TMEM192: variants seen among roughly 807,000 people sequenced by gnomAD.
TMEM192 encodes the protein transmembrane protein 192.
TMEM192 carries 20 observed loss-of-function variants against 26.7 expected under a neutral mutation model. The observed-to-expected ratio is 0.75, with a 90% CI of 0.53 to 1.09. TMEM192 has a LOEUF of 1.09. Ranked by LOEUF, TMEM192 falls within the 50% of genes least tolerant of loss-of-function variation. The pLI, the probability that TMEM192 is intolerant of heterozygous loss-of-function variation, is 0.00. For synonymous variants in TMEM192, 124 were observed against 121.0 expected (o/e 1.02, Z -0.16); for missense variants, 304 against 322.6 (o/e 0.94, Z 0.44).
intron 3 of TMEM192, among the ~76,000 whole-genome samples, chr4:165,098,250 G>A (rs1437913340): frequency 3.3e-5 from 5 of 151,146 alleles, no homozygotes; most frequent in East Asian, 2.0e-4. Flanking sequence ...TCAGCCTCCC[G>A]AGTAGCTGGG....
At position 165,100,842 on chromosome 4, in the gene TMEM192, A is replaced by G; in HGVS notation, c.225T>C (p.Pro75=). 6 of 1,614,174 alleles carry G rather than the reference A, an allele frequency of 3.7e-6. No individual in the cohort carries two copies. In the Middle Eastern group the frequency reaches 4.9e-4, roughly 133 times the overall value. Residue 75 remains proline, a synonymous_variant, in exon 3 of 6, where the codon CCT becomes CCC. Transcript: ENST00000306480. ...CTGGGCACTTGTCCTCATTTGGATT[A>G]GGATAAGAACAAAGCACACCTGTTA... ...AFLTGVLCSY[P]NPNEDKCPGN...
In TMEM192 at chr4:165,088,541, C is replaced by T; in HGVS notation, c.501G>A (p.Leu167=). The change falls in exon 4 of 6, where the codon TTG becomes TTA. Residue 167 remains leucine, a synonymous_variant. Coordinates refer to ENST00000306480, the MANE Select transcript of TMEM192 (RefSeq NM_001100389.2). ...AGATGGCCAGAATGAGGTCAAGATA[C>T]AATCTGCCAGGCTCTGGGAAGGAGT... ...MQHSFPEPGR[L]YLDLILAILA... is the part of the protein sequence containing the mutation. 1 of 1,613,542 alleles carries T rather than the reference C, an allele frequency of 6.2e-7. No homozygotes were observed. Among genetic ancestry groups the T allele is most frequent in the Non-Finnish European group, 8.5e-7 (1 of 1,179,784 alleles).
intron 4 of TMEM192, 149 bp from the exon 5 acceptor site, chr4:165,085,837 T>C (rs1047102986): frequency 2.5e-5 from 15 of 590,734 alleles, no homozygotes; most frequent in African/African-American, 1.9e-4. Flanking sequence ...CCTGGGAATA[T>C]AGGGATTACA....
intron 3 of TMEM192, among the ~76,000 whole-genome samples, chr4:165,095,666 C>T (rs1734876783): frequency 6.6e-6 from 1 of 152,096 alleles, no homozygotes; most frequent in Non-Finnish European, 1.5e-5. Flanking sequence ...TGACTGGACC[C>T]ACATGATGGG....
At chr4:165,106,414 A>G (rs1735159312) in intron 1 of TMEM192, among the ~76,000 whole-genome samples, 1 of 152,190 alleles carries the variant, frequency 6.6e-6, no homozygotes, top group Admixed American at 6.6e-5. Flanking sequence ...GTAGCTCCCT[A>G]TGATGGTCAA....
intron 4 of TMEM192, among the ~76,000 whole-genome samples, chr4:165,087,219 G>A (rs1222955996): frequency 2.6e-5 from 4 of 152,164 alleles, no homozygotes; most frequent in African/African-American, 9.7e-5. Context: ...AACAATCAGA[G>A]TTAAGTATAA....
intron 1 of TMEM192, among the ~76,000 whole-genome samples, chr4:165,108,139 TGGAG>T (rs1735212134): frequency 2.7e-4 from 5 of 18,296 alleles, no homozygotes; most frequent in Non-Finnish European, 4.9e-4. Flanking sequence ...TTTTTTTTTT[TGGAG>T]ATGTAGTCTT....
intron 4 of TMEM192, among the ~76,000 whole-genome samples, chr4:165,086,604 C>T (rs1734621619): frequency 6.6e-6 from 1 of 151,654 alleles, no homozygotes; most frequent in Non-Finnish European, 1.5e-5. Context: ...TTTGTATTTT[C>T]AGTAGAGACG....
rs1734271008 is a variant in TMEM192, at chr4:165,071,372, ACCT to A, written c.*8283_*8285del. On this transcript the variant is annotated 3_prime_UTR_variant, in exon 6 of 6. Transcript: ENST00000306480. ...AGCTGTGCGATCTTGGCTCACTGCA[ACCT>A]CCACCTCCCAGGTTCAAGTGATTCT... 6.6e-6 allele frequency: 1 copy of A among 151,678 alleles called. No individual in the cohort carries two copies. Among genetic ancestry groups the A allele is most frequent in the African/African-American group, 2.4e-5 (1 of 41,188 alleles). 9.4% of individuals were successfully genotyped at this position (151,678 alleles called of 1,614,324 possible).
intron 3 of TMEM192, among the ~76,000 whole-genome samples, chr4:165,090,409 G>T (rs1417739339): frequency 6.6e-6 from 1 of 151,520 alleles, no homozygotes. Context: ...ATTGAACAAT[G>T]AGTTCTGATG....
rs1734461728 is a variant in TMEM192 at position 165,079,229 on chromosome 4, G to A, written c.*429C>T. On this transcript the variant is annotated 3_prime_UTR_variant, in exon 6 of 6. Transcript: ENST00000306480. ...GGAAAAAATATTCACAAGAAATAAT[G>A]ACTTCTTTCATCAGCTTAAAAGTGG... The A allele has an allele frequency of 6.4e-6, 1 of 155,226 alleles. No homozygotes were observed. Among genetic ancestry groups the A allele is most frequent in the Admixed American group, 6.5e-5 (1 of 15,414 alleles). The allele number at this position is 155,226 out of a possible 1,614,324, so 9.6% of individuals were successfully genotyped here. A position where few individuals can be genotyped will look rare whatever the true frequency, so the allele number is the denominator to read the frequency against.
intron 1 of TMEM192, among the ~76,000 whole-genome samples, chr4:165,103,536 TAG>T (rs1735095525): frequency 1.3e-5 from 1 of 76,500 alleles, no homozygotes; most frequent in Non-Finnish European, 2.9e-5. Context: ...TTTTTTGAGA[TAG>T]AGTTTCACTC....
intron 1 of TMEM192, among the ~76,000 whole-genome samples, chr4:165,109,528 G>C (rs1226848001): frequency 6.6e-6 from 1 of 152,024 alleles, no homozygotes; most frequent in African/African-American, 2.4e-5. Flanking sequence ...CCATGCCCAG[G>C]TAATTTTTAT....
intron 1 of TMEM192, among the ~76,000 whole-genome samples, chr4:165,103,403 G>A (rs1397971491): frequency 2.0e-5 from 3 of 151,764 alleles, no homozygotes; most frequent in African/African-American, 7.3e-5. Context: ...GGAGTGCAGC[G>A]GCGCAATCTT....
At chr4:165,088,359 C>T in intron 4 of TMEM192, 109 bp downstream of exon 4, 1 of 1,076,106 alleles carries the variant, frequency 9.3e-7, no homozygotes, top group African/African-American at 1.6e-5. Flanking sequence ...ATGTGGTCAC[C>T]ACTCAGATAC....
chr4:165,097,781 ATTTAT>A (rs1303496537), intron 3 of TMEM192, among the ~76,000 whole-genome samples: 1 of 150,604 alleles, frequency 6.6e-6, no homozygotes, highest in Non-Finnish European at 1.5e-5. Context: ...CACATGACTA[ATTTAT>A]TTATTTTATT....
At chr4:165,089,548 C>T (rs1011016822) in intron 3 of TMEM192, among the ~76,000 whole-genome samples, 6 of 152,126 alleles carry the variant, frequency 3.9e-5, no homozygotes, top group Non-Finnish European at 8.8e-5. Flanking sequence ...TAGTCTTGAT[C>T]TCCTGACCTC....
intron 3 of TMEM192, among the ~76,000 whole-genome samples, chr4:165,096,906 A>G (rs1212879682): frequency 6.6e-6 from 1 of 152,160 alleles, no homozygotes; most frequent in Non-Finnish European, 1.5e-5. Flanking sequence ...GAAACTGAGT[A>G]TTATTTTGGT....
chr4:165,104,606 T>C (rs1170046390), intron 1 of TMEM192, among the ~76,000 whole-genome samples: 1 of 152,124 alleles, frequency 6.6e-6, no homozygotes, highest in Non-Finnish European at 1.5e-5. Flanking sequence ...TCTCGGCTCA[T>C]TGCAACTTCT....
Sources: allele counts gnomAD v4.1 joint callset (sites outside exome capture counted in the v4.1 genomes callset), GRCh38; gene constraint gnomAD v4.1.1; transcripts MANE v1.5; gene names NCBI Gene and HGNC (gene_info 2026-07-23, HGNC 2026-07-21).